Variants in NEXMIF observed in about 807,000 individuals in gnomAD.
NEXMIF encodes XLMR protein related to neurite extension.
A neutral mutation model predicts 62.1 loss-of-function variants in NEXMIF; 8 were observed. That is an observed-to-expected ratio of 0.13 (90% CI 0.08 to 0.23). The LOEUF is 0.23. Among genes scored for constraint, NEXMIF ranks in the 10% least tolerant of loss-of-function variants. The pLI is 1.00. For missense variants in NEXMIF, 976 were observed against 1,113.3 expected (o/e 0.88, Z 1.75); for synonymous variants, 404 against 416.6 (o/e 0.97, Z 0.37).
chrX:74,873,837 T>C (rs1273020713), intron 1 of NEXMIF, among the ~76,000 whole-genome samples: 4 of 111,186 alleles, frequency 3.6e-5, no homozygotes, highest in African/African-American at 1.3e-4. Flanking sequence ...TTTGATGGGG[T>C]TGTTTGTTTT....
At chrX:74,924,724 C>T (rs2080838221) in intron 1 of NEXMIF, among the ~76,000 whole-genome samples, 159 bp downstream of exon 1, 1 of 113,786 alleles carries the variant, frequency 8.8e-6, no homozygotes. Flanking sequence ...CATACACAGA[C>T]ACACACATTC....
intron 1 of NEXMIF, among the ~76,000 whole-genome samples, chrX:74,748,708 C>T (rs2080133165): frequency 9.0e-6 from 1 of 111,703 alleles, no homozygotes; most frequent in African/African-American, 3.3e-5. Context: ...CTCCTATCTG[C>T]CCTTCCCCTC....
rs1045659389 is a variant in NEXMIF at position 74,786,100 on chromosome X, T to C, written c.-47-40403A>G. ...TAAGGCCCTGGGATGAGCTATTTTT[T>C]GTCATGGTGGGCCAGATTTTCCACT... On this transcript the variant is annotated intron_variant, in intron 1 of 3. Coordinates refer to ENST00000055682, the MANE Select transcript of NEXMIF (RefSeq NM_001008537.3). Among the ~76,000 whole-genome samples the C allele has an allele frequency of 1.1e-4, 12 of 112,284 alleles. No homozygotes were observed. In the South Asian group the frequency reaches 3.8e-3, roughly 35 times the overall value.
chrX:74,792,916 T>G (rs1204366415), intron 1 of NEXMIF, among the ~76,000 whole-genome samples: 4 of 106,034 alleles, frequency 3.8e-5, no homozygotes, highest in African/African-American at 1.4e-4. Context: ...TGATGGGTCT[T>G]GACTCTTTAT....
chrX:74,907,294 A>ATTTT (rs2080772043), intron 1 of NEXMIF, among the ~76,000 whole-genome samples: 1 of 107,988 alleles, frequency 9.3e-6, no homozygotes, highest in Non-Finnish European at 1.9e-5. Context: ...TGTTAAATGA[A>ATTTT]ACAGATAAGT....
chrX:74,907,742 T>C (rs956923858), intron 1 of NEXMIF, among the ~76,000 whole-genome samples: 3 of 111,711 alleles, frequency 2.7e-5, no homozygotes, highest in African/African-American at 9.8e-5. Context: ...CAGGTATTAT[T>C]ATTGGCAGCC....
intron 1 of NEXMIF, among the ~76,000 whole-genome samples, chrX:74,852,032 T>TA (rs918683556): frequency 7.3e-5 from 8 of 109,122 alleles, no homozygotes; most frequent in East Asian, 5.7e-4. Flanking sequence ...TGAATGGATT[T>TA]AAAAAAAAAT....
chrX:74,805,884 T>A (rs1415917137), intron 1 of NEXMIF, among the ~76,000 whole-genome samples: 1 of 112,036 alleles, frequency 8.9e-6, no homozygotes, highest in Non-Finnish European at 1.9e-5. Context: ...TACCATGCTA[T>A]TTTGGTTACT....
At chrX:74,789,462 T>C (rs2080271528) in intron 1 of NEXMIF, among the ~76,000 whole-genome samples, 1 of 110,482 alleles carries the variant, frequency 9.1e-6, no homozygotes, top group Non-Finnish European at 1.9e-5. Context: ...TATAGCAGCA[T>C]GATTTATAGT....
At chrX:74,753,715 GCACA>G (rs199783383) in intron 1 of NEXMIF, among the ~76,000 whole-genome samples, 1,976 of 100,161 alleles carry the variant, frequency 0.02, 22 homozygotes, top group Non-Finnish European at 0.026. Context: ...ACACACACAC[GCACA>G]CACACACACA....
chrX:74,757,713 AT>A, intron 1 of NEXMIF, among the ~76,000 whole-genome samples: 2 of 110,911 alleles, frequency 1.8e-5, no homozygotes, highest in South Asian at 3.9e-4. Flanking sequence ...AGAGTCCCTT[AT>A]TTCTTTTGCT....
intron 1 of NEXMIF, among the ~76,000 whole-genome samples, chrX:74,907,839 A>C (rs779749447): frequency 9.0e-6 from 1 of 111,662 alleles, no homozygotes; most frequent in African/African-American, 3.3e-5. Flanking sequence ...ACCACTGAAC[A>C]AACAACTGTC....
Position 74,738,445 on chromosome X carries a change from C to G in NEXMIF, c.*960G>C, listed in dbSNP as rs1018215363. ...AAACTGGAATAAAACATTTAGGAAACTATTTAAATAAAAGCATTCTATATA... is the reference window on the plus strand; with the variant it reads ...AAACTGGAATAAAACATTTAGGAAAGTATTTAAATAAAAGCATTCTATATA... On this transcript the variant is annotated 3_prime_UTR_variant, in exon 4 of 4. Transcript: ENST00000055682. 8.9e-6 allele frequency: 1 copy of G among 111,761 alleles called. No homozygotes were observed. The highest frequency in any genetic ancestry group is 3.3e-5 in the African/African-American group (1 of 30,748). The allele number at this position is 111,761 out of a possible 1,213,427, so 9.2% of individuals were successfully genotyped here.
intron 1 of NEXMIF, among the ~76,000 whole-genome samples, chrX:74,896,509 C>A (rs2147367669): frequency 8.9e-6 from 1 of 112,302 alleles, no homozygotes; most frequent in South Asian, 3.7e-4. Flanking sequence ...TTCTGGTTTG[C>A]ACGAACTGGT....
At chrX:74,869,740 C>G (rs1263385648) in intron 1 of NEXMIF, among the ~76,000 whole-genome samples, 2 of 111,249 alleles carry the variant, frequency 1.8e-5, no homozygotes, top group Non-Finnish European at 3.8e-5. Context: ...AAATTAAATA[C>G]CTAGGAATTA....
chrX:74,749,474 T>C (rs2080135258), intron 1 of NEXMIF, among the ~76,000 whole-genome samples: 2 of 111,140 alleles, frequency 1.8e-5, no homozygotes, highest in Admixed American at 1.9e-4. Context: ...CCTCTTTTCA[T>C]TCTGTTCACT....
At position 74,735,955 on chromosome X, in the gene NEXMIF, A is replaced by G. The variant is rs2080084052; in HGVS notation, c.*3450T>C. 9.0e-6 allele frequency: 1 copy of G among 111,276 alleles called. No individual in the cohort carries two copies. The highest frequency in any genetic ancestry group is 1.9e-5 in the Non-Finnish European group (1 of 53,071). The allele number at this position is 111,276 out of a possible 1,213,427, so 9.2% of individuals were successfully genotyped here. On this transcript the variant is annotated 3_prime_UTR_variant, in exon 4 of 4. Coordinates refer to ENST00000055682, the MANE Select transcript of NEXMIF (RefSeq NM_001008537.3). ...GGGCAGGAGATGAGACCTATTCTTA[A>G]CAGATCTTCAGGGAAAAGGAATTTC...
At chrX:74,893,505 A>T (rs941563746) in intron 1 of NEXMIF, among the ~76,000 whole-genome samples, 1 of 112,260 alleles carries the variant, frequency 8.9e-6, no homozygotes, top group Non-Finnish European at 1.9e-5. Context: ...CAGCTAAACA[A>T]GCCATTTTAT....
intron 1 of NEXMIF, among the ~76,000 whole-genome samples, chrX:74,830,761 CT>C (rs1204221187): frequency 9.0e-6 from 1 of 110,879 alleles, no homozygotes; most frequent in Non-Finnish European, 1.9e-5. Flanking sequence ...TTGTAGAGAT[CT>C]TTCACTTCTT....
Sources: gnomAD v4.1 joint callset for allele counts (sites outside exome capture counted in the v4.1 genomes callset) on GRCh38, gnomAD v4.1.1 for gene constraint, MANE v1.5 for transcripts, NCBI Gene and HGNC (gene_info 2026-07-23, HGNC 2026-07-21) for gene names.